The following KCNK2 variants were observed in gnomAD, a reference collection of about 807,000 sequenced individuals.
KCNK2 encodes potassium channel subfamily K member 2.
In KCNK2, 21 loss-of-function variants were observed where a neutral mutation model predicts 40.5. That is an observed-to-expected ratio of 0.52 (90% CI 0.37 to 0.75). KCNK2 has a LOEUF of 0.75. KCNK2 is among the 30% of genes least tolerant of loss of function. The pLI, the probability that KCNK2 is intolerant of heterozygous loss-of-function variation, is 0.00. For synonymous variants in KCNK2, 191 were observed against 202.2 expected (o/e 0.94, Z 0.47); for missense variants, 399 against 531.6 (o/e 0.75, Z 2.45).
At position 215,071,819 on chromosome 1, in the gene KCNK2, G is replaced by A. The variant is rs148545802; in HGVS notation, c.35-14549G>A. ...GGAGCTCCAGGAAGGGGGAATCAATGCAATAGAAGACAGGTCCCATAAACA... is the reference window on the plus strand; with the variant it reads ...GGAGCTCCAGGAAGGGGGAATCAATACAATAGAAGACAGGTCCCATAAACA... On this transcript the variant is annotated intron_variant, in intron 1 of 6. Transcript: ENST00000391895. 1.6e-3 allele frequency among the ~76,000 whole-genome samples: 246 copies of A among 152,220 alleles called. 3 individuals carry two copies. Among genetic ancestry groups the A allele is most frequent in the South Asian group, 0.012 (59 of 4,826 alleles).
At chr1:215,106,744 A>T (rs1660455504) in intron 2 of KCNK2, among the ~76,000 whole-genome samples, 1 of 152,104 alleles carries the variant, frequency 6.6e-6, no homozygotes, top group Non-Finnish European at 1.5e-5. Context: ...ATTTTAATCC[A>T]TCCTGTTAAT....
chr1:215,065,460 A>G (rs1658508046), intron 1 of KCNK2, among the ~76,000 whole-genome samples: 1 of 152,316 alleles, frequency 6.6e-6, no homozygotes, highest in Non-Finnish European at 1.5e-5. Context: ...GAATTGAGAT[A>G]TGAAATATAT....
At chr1:215,113,477 TTAAG>T (rs1459162700) in intron 2 of KCNK2, among the ~76,000 whole-genome samples, 11 of 152,238 alleles carry the variant, frequency 7.2e-5, no homozygotes, top group Admixed American at 6.5e-4. Flanking sequence ...CTGATTCCTC[TTAAG>T]TAACACTATA....
chr1:215,159,861 C>T (rs2102622847), intron 3 of KCNK2, among the ~76,000 whole-genome samples: 1 of 152,264 alleles, frequency 6.6e-6, no homozygotes, highest in Non-Finnish European at 1.5e-5. Flanking sequence ...AAGCTAATAT[C>T]ATATATACCC....
At chr1:215,112,814 C>T (rs577512658) in intron 2 of KCNK2, among the ~76,000 whole-genome samples, 11 of 152,198 alleles carry the variant, frequency 7.2e-5, no homozygotes, top group African/African-American at 2.6e-4. Context: ...TAGGCTATAC[C>T]ATATAGCCTA....
At chr1:215,037,106 G>C (rs761001548) in intron 1 of KCNK2, among the ~76,000 whole-genome samples, 9 of 149,526 alleles carry the variant, frequency 6.0e-5, no homozygotes, top group Non-Finnish European at 1.3e-4. Flanking sequence ...GAAGGGCAAA[G>C]CATTTATTAT....
intron 1 of KCNK2, among the ~76,000 whole-genome samples, chr1:215,043,587 TA>T (rs1657640636): frequency 6.6e-6 from 1 of 151,830 alleles, no homozygotes. Flanking sequence ...ATACCTAGAG[TA>T]GTCAGAATCA....
chr1:215,149,308 T>C (rs1046355316), intron 3 of KCNK2, among the ~76,000 whole-genome samples: 1 of 152,116 alleles, frequency 6.6e-6, no homozygotes, highest in Non-Finnish European at 1.5e-5. Flanking sequence ...GTGGTGACAA[T>C]TTATGTTATT....
At chr1:215,129,057 G>A (rs1164082494) in intron 3 of KCNK2, among the ~76,000 whole-genome samples, 1 of 152,132 alleles carries the variant, frequency 6.6e-6, no homozygotes, top group Non-Finnish European at 1.5e-5. Flanking sequence ...GGGATGATTG[G>A]AGTTGGTGTG....
chr1:215,098,620 C>T (rs1056347785), intron 2 of KCNK2, among the ~76,000 whole-genome samples: 1 of 151,954 alleles, frequency 6.6e-6, no homozygotes, highest in African/African-American at 2.4e-5. Flanking sequence ...ATTACACTTA[C>T]TCTTCAAATA....
At chr1:215,112,191 T>C (rs1038170588) in intron 2 of KCNK2, among the ~76,000 whole-genome samples, 2 of 152,080 alleles carry the variant, frequency 1.3e-5, no homozygotes, top group African/African-American at 2.4e-5. Context: ...GCTGGACATA[T>C]GTTTCAGTCA....
chr1:215,214,355 G>A (rs1665871192), intron 6 of KCNK2, among the ~76,000 whole-genome samples: 1 of 152,104 alleles, frequency 6.6e-6, no homozygotes. Flanking sequence ...AACAGTAAGG[G>A]TGAAATCTGT....
At chr1:215,101,117 G>C (rs1660195045) in intron 2 of KCNK2, among the ~76,000 whole-genome samples, 2 of 151,974 alleles carry the variant, frequency 1.3e-5, no homozygotes, top group Admixed American at 1.3e-4. Flanking sequence ...CTGTGTTTCT[G>C]TTTTTGAAAG....
At chr1:215,051,379 A>G (rs1313480200) in intron 1 of KCNK2, among the ~76,000 whole-genome samples, 1 of 152,238 alleles carries the variant, frequency 6.6e-6, no homozygotes, top group African/African-American at 2.4e-5. Context: ...CTCTGCTCAG[A>G]CACAATTACA....
At chr1:215,090,532 T>C (rs976807704) in intron 2 of KCNK2, among the ~76,000 whole-genome samples, 4 of 152,218 alleles carry the variant, frequency 2.6e-5, no homozygotes, top group African/African-American at 9.6e-5. Flanking sequence ...TGAATCTTAA[T>C]ATTCTTTCTG....
intron 3 of KCNK2, among the ~76,000 whole-genome samples, chr1:215,164,168 AT>A (rs1367044608): frequency 2.6e-5 from 4 of 152,102 alleles, no homozygotes; most frequent in Non-Finnish European, 4.4e-5. Context: ...GTGTGCAGGA[AT>A]TTATCTGTTT....
intron 3 of KCNK2, among the ~76,000 whole-genome samples, chr1:215,136,661 T>C (rs933874921): frequency 6.6e-6 from 1 of 152,144 alleles, no homozygotes; most frequent in Non-Finnish European, 1.5e-5. Flanking sequence ...TTGCAGGTGG[T>C]GTTCCAGGTT....
At chr1:215,227,403 A>G (rs1571753036) in intron 6 of KCNK2, among the ~76,000 whole-genome samples, 1 of 152,336 alleles carries the variant, frequency 6.6e-6, no homozygotes, top group South Asian at 2.1e-4. Flanking sequence ...AAAACAGGTA[A>G]TGAATGAACA....
chr1:215,203,062 T>C (rs1476758091), intron 6 of KCNK2, among the ~76,000 whole-genome samples: 1 of 152,086 alleles, frequency 6.6e-6, no homozygotes, highest in Non-Finnish European at 1.5e-5. Flanking sequence ...TTTCTCCTTA[T>C]GTGGGTAATA....
Sources: allele counts gnomAD v4.1 joint callset (sites outside exome capture counted in the v4.1 genomes callset), GRCh38; gene constraint gnomAD v4.1.1; transcripts MANE v1.5; gene names NCBI Gene and HGNC (gene_info 2026-07-23, HGNC 2026-07-21).